The following SMAD2 variants were observed in gnomAD, a reference collection of about 807,000 sequenced individuals.
The protein encoded by SMAD2 is SMAD family member 2, also known as MAD homolog 2.
A neutral mutation model predicts 64.4 loss-of-function variants in SMAD2; 8 were observed. The observed-to-expected ratio is 0.12, with a 90% CI of 0.07 to 0.22. The LOEUF is 0.22. Ranked by LOEUF, SMAD2 falls within the 10% of genes least tolerant of loss-of-function variation. The probability of loss-of-function intolerance (pLI) is 1.00; values close to 1 mark genes in which losing one functional copy is unlikely to be tolerated. For synonymous variants in SMAD2, 203 were observed against 195.8 expected (o/e 1.04, Z -0.31); for missense variants, 289 against 561.2 (o/e 0.51, Z 4.90).
chr18:47,868,926 C>T (rs888947821), intron 4 of SMAD2, among the ~76,000 whole-genome samples: 1 of 152,108 alleles, frequency 6.6e-6, no homozygotes, highest in Non-Finnish European at 1.5e-5. Context: ...ACTCCAAGTG[C>T]AAAATGCTTG....
intron 2 of SMAD2, among the ~76,000 whole-genome samples, chr18:47,888,667 G>A (rs1218405328): frequency 1.3e-5 from 2 of 152,142 alleles, no homozygotes; most frequent in African/African-American, 2.4e-5. Flanking sequence ...TTAGATTAAG[G>A]GGAGCTTCTC....
chr18:47,866,943 A>G lies in SMAD2; in HGVS notation c.655+1380T>C, dbSNP rs921123664. The stretch of plus-strand genomic sequence containing the variant: ...AACATTCTGGTGAATAGCCTTCCAA[A>G]TAATTACTGGATATGCGTGTTGTCC... On this transcript the variant is annotated intron_variant, in intron 5 of 10. Transcript: ENST00000262160. The G allele has an allele frequency of 2.0e-4, 31 of 152,246 alleles. 1 individual carries two copies. The highest frequency in any genetic ancestry group is 1.6e-4 in the Non-Finnish European group (11 of 68,042). 9.4% of individuals were successfully genotyped at this position (152,246 alleles called of 1,614,324 possible). A position where few individuals can be genotyped will look rare whatever the true frequency, so the allele number is the denominator to read the frequency against.
chr18:47,881,735 G>A (rs1358803372), intron 2 of SMAD2, among the ~76,000 whole-genome samples: 1 of 152,166 alleles, frequency 6.6e-6, no homozygotes, highest in African/African-American at 2.4e-5. Context: ...CCTTTTATCA[G>A]ACTGAGAAAG....
chr18:47,850,201 T>C (rs1250706439), intron 7 of SMAD2, among the ~76,000 whole-genome samples: 4 of 91,860 alleles, frequency 4.4e-5, no homozygotes, highest in Non-Finnish European at 5.9e-5. Context: ...ATATAGTATA[T>C]ATATATTATT....
chr18:47,916,979 T>C (rs1395264362), intron 1 of SMAD2, among the ~76,000 whole-genome samples: 1 of 152,172 alleles, frequency 6.6e-6, no homozygotes. Flanking sequence ...AAAGACACTA[T>C]TTTTGTTGTT....
chr18:47,895,948 C>G (rs2033419834), intron 2 of SMAD2, among the ~76,000 whole-genome samples: 1 of 152,198 alleles, frequency 6.6e-6, no homozygotes, highest in African/African-American at 2.4e-5. Context: ...GACAGTGGTA[C>G]TTATCTGTAA....
In SMAD2 at chr18:47,829,936, T is replaced by C. The variant is rs1370093822; in HGVS notation, c.*11891A>G. 1 of 152,200 alleles carries C rather than the reference T, an allele frequency of 6.6e-6. No individual in the cohort carries two copies. The highest frequency in any genetic ancestry group is 2.4e-5 in the African/African-American group (1 of 41,450). 9.4% of individuals were successfully genotyped at this position (152,200 alleles called of 1,614,324 possible). On this transcript the variant is annotated 3_prime_UTR_variant, in exon 11 of 11. Transcript: ENST00000262160. ...TTCATTTTAGAATTAAAAATTTGAA[T>C]TTCCCTTTGCCTACAAGTCTAAGTA...
intron 2 of SMAD2, among the ~76,000 whole-genome samples, chr18:47,871,025 T>C (rs1310915162): frequency 2.0e-5 from 3 of 152,196 alleles, no homozygotes; most frequent in African/African-American, 7.2e-5. Flanking sequence ...GGTTATCTGG[T>C]CATGATATTT....
At chr18:47,862,211 A>G (rs1568057043) in intron 6 of SMAD2, among the ~76,000 whole-genome samples, 1 of 152,260 alleles carries the variant, frequency 6.6e-6, no homozygotes, top group Non-Finnish European at 1.5e-5. Context: ...GTACCTGTAT[A>G]TAACTTACAA....
rs1912900439 is a variant in SMAD2, at chr18:47,829,419, T to C, written c.*12408A>G. On this transcript the variant is annotated 3_prime_UTR_variant, in exon 11 of 11. Coordinates refer to ENST00000262160, the MANE Select transcript of SMAD2 (RefSeq NM_005901.6). Reference sequence around the variant, plus strand: ...CAAAAAAAAAAAAGCACATCCACTTTTACAATGGTCACATACAAATGGGGA... The same window carrying C: ...CAAAAAAAAAAAAGCACATCCACTTCTACAATGGTCACATACAAATGGGGA... 6.6e-6 allele frequency: 1 copy of C among 152,132 alleles called. No individual in the cohort carries two copies. The highest frequency in any genetic ancestry group is 1.5e-5 in the Non-Finnish European group (1 of 68,024). 9.4% of individuals were successfully genotyped at this position (152,132 alleles called of 1,614,324 possible).
In SMAD2 at chr18:47,868,380, T is replaced by C; in HGVS notation, c.598A>G (p.Ile200Val). 1.2e-6 allele frequency: 2 copies of C among 1,611,272 alleles called. No homozygotes were observed. Among genetic ancestry groups the C allele is most frequent in the Non-Finnish European group, 1.7e-6 (2 of 1,177,548 alleles). The change falls in exon 5 of 11, where the codon ATT becomes GTT. Residue 200 changes from isoleucine to valine, a missense_variant. By Grantham distance (29) the Ile-to-Val change is conservative. Coordinates refer to ENST00000262160, the MANE Select transcript of SMAD2 (RefSeq NM_005901.6). The stretch of plus-strand genomic sequence containing the variant: ...GCTGGGAAGTTAGTGTTTTCTGGAA[T>C]GGAGTGAGTATAGTCATCCAGAGGC... Reference protein sequence around the residue: ...LPPLDDYTHSIPENTNFPAGI... With the variant: ...LPPLDDYTHSVPENTNFPAGI...
At chr18:47,880,483 T>C (rs2032523035) in intron 2 of SMAD2, among the ~76,000 whole-genome samples, 1 of 152,252 alleles carries the variant, frequency 6.6e-6, no homozygotes. Context: ...TCTGTTTTTA[T>C]GTCAGTATCA....
Position 47,897,440 on chromosome 18 carries a change from T to C in SMAD2, c.-53-631A>G, listed in dbSNP as rs115791375. On this transcript the variant is annotated intron_variant, in intron 1 of 10. Transcript: ENST00000262160. ...AATTTGCATAGTGAGTAAAGTCAGA[T>C]AGTTTCTCTTCCCAATTTAAGGAAT... Among the ~76,000 whole-genome samples the C allele has an allele frequency of 1.6e-3, 239 of 152,302 alleles. 1 individual carries two copies. Among genetic ancestry groups the C allele is most frequent in the African/African-American group, 5.4e-3 (225 of 41,568 alleles).
intron 2 of SMAD2, among the ~76,000 whole-genome samples, chr18:47,884,768 A>T (rs2032793402): frequency 6.6e-6 from 1 of 152,216 alleles, no homozygotes; most frequent in South Asian, 2.1e-4. Context: ...TCCTATAAGA[A>T]TAAAATTGAC....
intron 6 of SMAD2, among the ~76,000 whole-genome samples, chr18:47,859,056 A>G (rs1212462814): frequency 6.6e-6 from 1 of 152,184 alleles, no homozygotes; most frequent in Non-Finnish European, 1.5e-5. Context: ...AATTAAAAAT[A>G]TATCATGTAA....
intron 1 of SMAD2, chr18:47,923,422 C>A (rs1421513588): frequency 6.6e-6 from 1 of 152,206 alleles, no homozygotes; most frequent in South Asian, 2.1e-4. Flanking sequence ...TGTAAATGTC[C>A]TTGGGTATCT....
At chr18:47,850,581 A>ATGTATAATATATATTATATAT (rs1568041973) in intron 7 of SMAD2, among the ~76,000 whole-genome samples, 35 of 27,766 alleles carry the variant, frequency 1.3e-3, no homozygotes, top group Non-Finnish European at 1.6e-3. Flanking sequence ...ATTATATATT[A>ATGTATAATATATATTATATAT]TATATATATT....
At chr18:47,919,598 C>T (rs1340419536) in intron 1 of SMAD2, among the ~76,000 whole-genome samples, 3 of 151,926 alleles carry the variant, frequency 2.0e-5, no homozygotes, top group Non-Finnish European at 2.9e-5. Flanking sequence ...CTCAGAATGA[C>T]TGCGGCGTAC....
Position 47,884,170 on chromosome 18 carries a change from C to A in SMAD2, c.236+12351G>T, listed in dbSNP as rs1302669012. On this transcript the variant is annotated intron_variant, in intron 2 of 10. Coordinates refer to ENST00000262160, the MANE Select transcript of SMAD2 (RefSeq NM_005901.6). ...TATGTGAGTAATAAACCTTTTCATG[C>A]CCTCTTGGTGCATGTAATATAGGTG... Among the ~76,000 whole-genome samples, 4 of 152,264 alleles carry A rather than the reference C, an allele frequency of 2.6e-5. No homozygotes were observed. In the East Asian group the frequency reaches 7.7e-4, roughly 29 times the overall value.
Sources: allele counts gnomAD v4.1 joint callset (sites outside exome capture counted in the v4.1 genomes callset), GRCh38; gene constraint gnomAD v4.1.1; transcripts MANE v1.5; gene names NCBI Gene and HGNC (gene_info 2026-07-23, HGNC 2026-07-21).